RAPGEF2: variants seen among roughly 807,000 people sequenced by gnomAD.
RAPGEF2 encodes the protein PDZ domain containing guanine nucleotide exchange factor (GEF) 1.
A neutral mutation model predicts 186.7 loss-of-function variants in RAPGEF2; 54 were observed. That is an observed-to-expected ratio of 0.29 (90% CI 0.23 to 0.36). RAPGEF2 has a LOEUF of 0.36. Ranked by LOEUF, RAPGEF2 falls within the 10% of genes least tolerant of loss-of-function variation. The pLI is 1.00. For missense variants in RAPGEF2, 1,532 were observed against 2,045.0 expected (o/e 0.75, Z 4.84); for synonymous variants, 712 against 705.9 (o/e 1.01, Z -0.14).
At chr4:159,111,759 T>G (rs967091823) in intron 1 of RAPGEF2, among the ~76,000 whole-genome samples, 2 of 152,236 alleles carry the variant, frequency 1.3e-5, no homozygotes, top group African/African-American at 2.4e-5. Flanking sequence ...GTGGAATCAT[T>G]ATCTTTCTTA....
intron 1 of RAPGEF2, among the ~76,000 whole-genome samples, chr4:159,115,585 A>C (rs1002475721): frequency 1.3e-5 from 2 of 151,684 alleles, no homozygotes; most frequent in African/African-American, 4.8e-5. Flanking sequence ...TACTTCATGC[A>C]TTCTTACAAA....
chr4:159,339,388 C>T (rs771683892), intron 19 of RAPGEF2, 34 bp downstream of exon 19: 1 of 1,590,456 alleles, frequency 6.3e-7, no homozygotes, highest in Non-Finnish European at 8.6e-7. Context: ...ATTTCTTTGT[C>T]CCCTCTTCGA....
intron 1 of RAPGEF2, among the ~76,000 whole-genome samples, chr4:159,123,978 C>T (rs548588773): frequency 2.0e-5 from 3 of 152,178 alleles, no homozygotes; most frequent in South Asian, 4.1e-4. Context: ...GTCCCAGCCT[C>T]CCAGGTTGCT....
chr4:159,328,084 A>G (rs781453788), intron 11 of RAPGEF2: 28 of 152,170 alleles, frequency 1.8e-4, no homozygotes, highest in Non-Finnish European at 3.2e-4. Flanking sequence ...AAATGAGAAA[A>G]TGAGTATTTA....
chr4:159,337,548 C>G (rs1767595458), intron 17 of RAPGEF2, among the ~76,000 whole-genome samples: 1 of 151,796 alleles, frequency 6.6e-6, no homozygotes, highest in African/African-American at 2.4e-5. Flanking sequence ...AAATATATTT[C>G]TGTGCTGAGA....
In RAPGEF2 at chr4:159,129,409, G is replaced by A. The variant is rs114675649; in HGVS notation, c.69+25178G>A. On this transcript the variant is annotated intron_variant, in intron 1 of 29. Transcript: ENST00000691494. ...CAGTTCTTTATTTTATGTTTAGGGA[G>A]CACATATCTCAGAACAGTTCAGGAA... Among the ~76,000 whole-genome samples the A allele has an allele frequency of 8.5e-3, 1,290 of 152,244 alleles. 23 individuals carry two copies. Among genetic ancestry groups the A allele is most frequent in the African/African-American group, 0.03 (1,226 of 41,534 alleles).
intron 1 of RAPGEF2, among the ~76,000 whole-genome samples, chr4:159,148,635 T>G (rs929965088): frequency 1.3e-5 from 2 of 152,216 alleles, no homozygotes; most frequent in African/African-American, 4.8e-5. Flanking sequence ...TGTGTTTTTT[T>G]TCATGGCTTT....
intron 3 of RAPGEF2, among the ~76,000 whole-genome samples, chr4:159,207,707 A>T (rs999592246): frequency 6.6e-6 from 1 of 152,204 alleles, no homozygotes; most frequent in African/African-American, 2.4e-5. Context: ...CCTTGGGCTA[A>T]CGTTTTTTGT....
intron 3 of RAPGEF2, among the ~76,000 whole-genome samples, chr4:159,203,610 G>C (rs1749673715): frequency 6.6e-6 from 1 of 152,160 alleles, no homozygotes; most frequent in Non-Finnish European, 1.5e-5. Context: ...AAGCTAGACT[G>C]CAGGTTTGTT....
chr4:159,295,975 G>A (rs180674068), intron 7 of RAPGEF2, among the ~76,000 whole-genome samples: 200 of 152,230 alleles, frequency 1.3e-3, no homozygotes, highest in African/African-American at 4.6e-3. Flanking sequence ...GACCCCAAGC[G>A]ATCTTAGCTT....
Position 159,332,469 on chromosome 4 carries a change from C to T in RAPGEF2, c.1907C>T (p.Thr636Ile). The T allele has an allele frequency of 6.2e-7, 1 of 1,612,508 alleles. No homozygotes were observed. Among genetic ancestry groups the T allele is most frequent in the South Asian group, 1.1e-5 (1 of 90,750 alleles). Reference protein sequence around the residue: ...TNLFVFKELLTRLSEEKRNGA... With the variant: ...TNLFVFKELLIRLSEEKRNGA... ...ATTTTAGTATTTAAAGAACTTCTAA[C>T]AAGATTGTCAGAAGAGAAAAGAAAT... is the stretch of plus-strand genomic sequence containing the variant. Residue 636 changes from threonine (T) to isoleucine (I), a missense_variant, in exon 17 of 30, where the codon ACA becomes ATA. Physicochemically the swap from Thr to Ile is moderately conservative, Grantham distance 89. Around this residue, in one of 4 missense-constraint regions of RAPGEF2, gnomAD observed 810 missense variants for 1,210.5 expected, o/e 0.67. Coordinates refer to ENST00000691494, the MANE Select transcript of RAPGEF2 (RefSeq NM_001394067.2).
At chr4:159,202,540 G>A (rs1022235913) in intron 3 of RAPGEF2, among the ~76,000 whole-genome samples, 5 of 152,032 alleles carry the variant, frequency 3.3e-5, no homozygotes, top group Non-Finnish European at 5.9e-5. Context: ...CTTCCGCAAC[G>A]CCTGCCGCTC....
chr4:159,114,295 G>C (rs895785183), intron 1 of RAPGEF2, among the ~76,000 whole-genome samples: 1 of 151,898 alleles, frequency 6.6e-6, no homozygotes, highest in Admixed American at 6.6e-5. Context: ...GTAGAGACAG[G>C]GTTTCACCAT....
chr4:159,196,748 A>G (rs1343683090), intron 3 of RAPGEF2, among the ~76,000 whole-genome samples: 1 of 152,212 alleles, frequency 6.6e-6, no homozygotes, highest in Non-Finnish European at 1.5e-5. Context: ...GTCTTCCAAT[A>G]TTTTAGTTGC....
intron 17 of RAPGEF2, among the ~76,000 whole-genome samples, chr4:159,334,900 GAA>G (rs1579983559): frequency 6.6e-6 from 1 of 152,100 alleles, no homozygotes; most frequent in Non-Finnish European, 1.5e-5. Context: ...GATTTATCAT[GAA>G]AATTATTTGA....
intron 14 of RAPGEF2, 45 bp downstream of exon 14, chr4:159,331,583 A>G: frequency 6.2e-7 from 1 of 1,610,812 alleles, no homozygotes; most frequent in Non-Finnish European, 8.5e-7. Context: ...AGTTCATTTT[A>G]TTCAGCCTGT....
intron 7 of RAPGEF2, among the ~76,000 whole-genome samples, chr4:159,275,329 T>A (rs1561192173): frequency 6.6e-6 from 1 of 152,304 alleles, no homozygotes; most frequent in East Asian, 1.9e-4. Flanking sequence ...GAGTTAGCCT[T>A]AGATTTATTA....
At chr4:159,217,020 C>T (rs1751053122) in intron 4 of RAPGEF2, among the ~76,000 whole-genome samples, 1 of 151,756 alleles carries the variant, frequency 6.6e-6, no homozygotes, top group African/African-American at 2.4e-5. Context: ...TTCTGCTTGC[C>T]GGTGCTGCGT....
chr4:159,128,676 A>G (rs1256980850), intron 1 of RAPGEF2: 2 of 152,120 alleles, frequency 1.3e-5, no homozygotes, highest in Non-Finnish European at 2.9e-5. Flanking sequence ...TGAGTTTTGT[A>G]AAGAGCTTTC....
Sources: gnomAD v4.1 joint callset for allele counts (sites outside exome capture counted in the v4.1 genomes callset) on GRCh38, gnomAD v4.1.1 for gene constraint, gnomAD v4.1.1 regional missense constraint, MANE v1.5 for transcripts, NCBI Gene and HGNC (gene_info 2026-07-23, HGNC 2026-07-21) for gene names.